SLC25A16: variants seen among roughly 807,000 people sequenced by gnomAD.
SLC25A16 encodes mitochondrial coenzyme A transporter SLC25A16.
A neutral mutation model predicts 41.5 loss-of-function variants in SLC25A16; 39 were observed. The ratio of observed to expected loss-of-function variants is 0.94; its 90% confidence interval spans 0.73 to 1.23. The LOEUF (loss-of-function observed/expected upper bound fraction) is 1.23, where lower values mean the gene tolerates loss of function less well. SLC25A16 is among the 50% of genes most tolerant of loss of function. SLC25A16 has a pLI of 0.00. For missense variants in SLC25A16, 421 were observed against 426.9 expected (o/e 0.99, Z 0.12); for synonymous variants, 146 against 147.8 (o/e 0.99, Z 0.09).
At chr10:68,505,726 C>T (rs2052940650) in intron 3 of SLC25A16, among the ~76,000 whole-genome samples, 1 of 151,954 alleles carries the variant, frequency 6.6e-6, no homozygotes, top group South Asian at 2.1e-4. Flanking sequence ...AAAAGTGAAA[C>T]TCCGTCTGAA....
At chr10:68,514,453 A>G (rs1394877557) in intron 2 of SLC25A16, among the ~76,000 whole-genome samples, 1 of 151,998 alleles carries the variant, frequency 6.6e-6, no homozygotes, top group Admixed American at 6.6e-5. Flanking sequence ...CAGAGATCAC[A>G]CCGCTGCACT....
In SLC25A16 at chr10:68,493,155, ATAG is replaced by A. The variant is rs781116160; in HGVS notation, c.584_586del (p.Thr195del). 5 of 1,597,356 alleles carry A rather than the reference ATAG, an allele frequency of 3.1e-6. No individual in the cohort carries two copies. Among genetic ancestry groups the A allele is most frequent in the Non-Finnish European group, 4.3e-6 (5 of 1,174,870 alleles). On this transcript the variant is annotated inframe_deletion, in exon 6 of 9. Transcript: ENST00000609923. ...ACCTGCATATGGAGCCATTCCTAAA[ATAG>A]TAGGCATCAGACCTCTGTAAAATCC...
chr10:68,499,788 A>G, intron 4 of SLC25A16: 1 of 430,660 alleles, frequency 2.3e-6, no homozygotes. Flanking sequence ...GAATGAGTGC[A>G]GTGGGAAAAG....
intron 4 of SLC25A16, among the ~76,000 whole-genome samples, chr10:68,500,143 C>T (rs930103101): frequency 6.6e-6 from 1 of 152,108 alleles, no homozygotes; most frequent in Non-Finnish European, 1.5e-5. Flanking sequence ...AAATAAGCTA[C>T]ATTAAAATGA....
Position 68,516,903 on chromosome 10 carries a change from C to A in SLC25A16, c.131-60G>T, listed in dbSNP as rs1379768060. 11 of 1,355,768 alleles carry A rather than the reference C, an allele frequency of 8.1e-6. No homozygotes were observed. The East Asian group carries it at 2.1e-4, about 26-fold the overall frequency. 84.0% of individuals were successfully genotyped at this position (1,355,768 alleles called of 1,614,324 possible). ...GTACCATTTCTTTCCAGATGGAAAT[C>A]ATTAGTTGTTCAGCCAGCAAACCCT... On this transcript the variant is annotated intron_variant, in intron 1 of 8. Coordinates refer to ENST00000609923, the MANE Select transcript of SLC25A16 (RefSeq NM_152707.4).
At chr10:68,507,070 CTTTTTTTTT>C (rs71019019) in intron 2 of SLC25A16, among the ~76,000 whole-genome samples, 6 of 115,634 alleles carry the variant, frequency 5.2e-5, no homozygotes, top group African/African-American at 1.3e-4. Flanking sequence ...ATGACCTACT[CTTTTTTTTT>C]TTTTTTTTTT....
At chr10:68,503,036 A>C (rs1241236464) in intron 4 of SLC25A16, 1 of 152,084 alleles carries the variant, frequency 6.6e-6, no homozygotes, top group East Asian at 1.9e-4. Context: ...AGAAATTGCT[A>C]ATCATGGTTG....
intron 7 of SLC25A16, 49 bp from the exon 8 acceptor site, chr10:68,487,261 TCAA>T: frequency 2.3e-6 from 3 of 1,307,866 alleles, no homozygotes; most frequent in Non-Finnish European, 3.3e-6. Flanking sequence ...GGTTTTCTAC[TCAA>T]CAACTATTGA....
At chr10:68,519,560 A>C (rs2053217424) in intron 1 of SLC25A16, among the ~76,000 whole-genome samples, 1 of 151,868 alleles carries the variant, frequency 6.6e-6, no homozygotes, top group Non-Finnish European at 1.5e-5. Context: ...ATGCATTTGG[A>C]TACATTTGGT....
At chr10:68,500,792 T>G in intron 4 of SLC25A16, among the ~76,000 whole-genome samples, 1 of 146,870 alleles carries the variant, frequency 6.8e-6, no homozygotes, top group Non-Finnish European at 1.5e-5. Context: ...ATTAGCCAGG[T>G]ATGTGGCACG....
At chr10:68,503,927 G>C (rs1470157529) in intron 3 of SLC25A16, among the ~76,000 whole-genome samples, 1 of 151,426 alleles carries the variant, frequency 6.6e-6, no homozygotes, top group Non-Finnish European at 1.5e-5. Context: ...GCAGAAGCAA[G>C]CTAGCTTAGT....
At chr10:68,526,671 T>C (rs541231696) in intron 1 of SLC25A16, among the ~76,000 whole-genome samples, 1 of 152,264 alleles carries the variant, frequency 6.6e-6, no homozygotes, top group South Asian at 2.1e-4. Flanking sequence ...GGGTGGAGCT[T>C]GAAGGCCCAG....
At chr10:68,518,456 T>A (rs957561039) in intron 1 of SLC25A16, among the ~76,000 whole-genome samples, 6 of 151,406 alleles carry the variant, frequency 4.0e-5, no homozygotes, top group Non-Finnish European at 5.9e-5. Flanking sequence ...ATTTTAATTT[T>A]AAAAATCCAT....
At chr10:68,492,539 C>T (rs896047597) in intron 6 of SLC25A16, among the ~76,000 whole-genome samples, 2 of 152,022 alleles carry the variant, frequency 1.3e-5, no homozygotes, top group Admixed American at 6.6e-5. Flanking sequence ...GAGGCCAAGG[C>T]GGGTAGATCA....
At chr10:68,486,701 A>T (rs749590023) in intron 8 of SLC25A16, among the ~76,000 whole-genome samples, 10 of 151,968 alleles carry the variant, frequency 6.6e-5, no homozygotes, top group Non-Finnish European at 1.3e-4. Context: ...CAGGAGGATT[A>T]GAACCTGATT....
At chr10:68,495,910 T>C (rs1290982381) in intron 4 of SLC25A16, among the ~76,000 whole-genome samples, 1 of 152,062 alleles carries the variant, frequency 6.6e-6, no homozygotes, top group East Asian at 1.9e-4. Context: ...TTCAATCCTG[T>C]TATCTGTCAA....
intron 1 of SLC25A16, among the ~76,000 whole-genome samples, chr10:68,520,126 T>C (rs2053226631): frequency 6.6e-6 from 1 of 151,462 alleles, no homozygotes; most frequent in Non-Finnish European, 1.5e-5. Context: ...AATTTTTTCT[T>C]TTTTTAGTCT....
chr10:68,508,282 A>G (rs2052991575), intron 2 of SLC25A16, among the ~76,000 whole-genome samples: 1 of 152,036 alleles, frequency 6.6e-6, no homozygotes, highest in African/African-American at 2.4e-5. Flanking sequence ...AGTTTATGAC[A>G]TATGTAAAAA....
intron 4 of SLC25A16, among the ~76,000 whole-genome samples, chr10:68,498,834 G>A (rs553629057): frequency 6.6e-6 from 1 of 152,300 alleles, no homozygotes; most frequent in Non-Finnish European, 1.5e-5. Context: ...TCCAGCCTCT[G>A]CTGTGATTGG....
Sources: allele counts gnomAD v4.1 joint callset (sites outside exome capture counted in the v4.1 genomes callset), GRCh38; gene constraint gnomAD v4.1.1; transcripts MANE v1.5; gene names NCBI Gene and HGNC (gene_info 2026-07-23, HGNC 2026-07-21).